STK38L: variants seen among roughly 807,000 people sequenced by gnomAD.
STK38L encodes serine/threonine kinase 38 like, also known as serine/threonine-protein kinase 38-like.
Under a neutral mutation model 59.7 loss-of-function variants are expected in STK38L, and 28 were observed. The ratio of observed to expected loss-of-function variants is 0.47; its 90% CI spans 0.35 to 0.64. STK38L has a LOEUF of 0.64. Among genes scored for constraint, STK38L ranks in the 30% least tolerant of loss-of-function variants. The pLI, the probability that STK38L is intolerant of heterozygous loss-of-function variation, is 0.01. For synonymous variants in STK38L, 162 were observed against 176.8 expected (o/e 0.92, Z 0.66); for missense variants, 314 against 555.8 (o/e 0.56, Z 4.37).
intron 1 of STK38L, among the ~76,000 whole-genome samples, chr12:27,274,793 A>G (rs1287991212): frequency 1.3e-5 from 2 of 152,216 alleles, no homozygotes; most frequent in African/African-American, 4.8e-5. Context: ...TTTATTGTAC[A>G]TTAATGATTA....
chr12:27,316,647 A>G (rs1176307245), intron 9 of STK38L, among the ~76,000 whole-genome samples: 6 of 152,200 alleles, frequency 3.9e-5, no homozygotes, highest in Non-Finnish European at 8.8e-5. Flanking sequence ...CCCCTGGTTG[A>G]GAATTACTGC....
chr12:27,261,546 C>T (rs973196162), intron 1 of STK38L, among the ~76,000 whole-genome samples: 7 of 152,140 alleles, frequency 4.6e-5, no homozygotes, highest in Admixed American at 4.6e-4. Context: ...CCATTATTTT[C>T]AGTTTTCTTT....
At chr12:27,252,667 C>T (rs1004154035) in intron 1 of STK38L, among the ~76,000 whole-genome samples, 1 of 152,146 alleles carries the variant, frequency 6.6e-6, no homozygotes, top group Non-Finnish European at 1.5e-5. Flanking sequence ...TGAGGATGTT[C>T]TCCATATGTC....
rs1473635237 is a variant in STK38L, at chr12:27,317,967, G to GT, written c.1028dup (p.Phe344IlefsTer9). 6.2e-7 allele frequency: 1 copy of GT among 1,613,974 alleles called. No homozygotes were observed. On this transcript the variant is annotated frameshift_variant, in exon 11 of 14. Transcript: ENST00000389032. LOFTEE classifies it high-confidence loss of function. ...AGTGATGAACTGGAAAGAAACTCTGGTATTTCCTCCAGAGGTACCTATATC... is the reference window on the plus strand; with the variant it reads ...AGTGATGAACTGGAAAGAAACTCTGGTTATTTCCTCCAGAGGTACCTATATC...
intron 1 of STK38L, among the ~76,000 whole-genome samples, chr12:27,248,113 C>T (rs935175886): frequency 6.6e-6 from 1 of 152,134 alleles, no homozygotes; most frequent in Non-Finnish European, 1.5e-5. Flanking sequence ...TGTGCCCAGC[C>T]CTGTTCTATA....
chr12:27,301,765 TAGTC>T (rs2136640853), intron 2 of STK38L, among the ~76,000 whole-genome samples: 1 of 152,318 alleles, frequency 6.6e-6, no homozygotes, highest in South Asian at 2.1e-4. Flanking sequence ...TTTATACTTT[TAGTC>T]AGTATAGTTA....
At chr12:27,258,940 T>C (rs1306782181) in intron 1 of STK38L, among the ~76,000 whole-genome samples, 2 of 136,682 alleles carry the variant, frequency 1.5e-5, no homozygotes, top group Admixed American at 7.5e-5. Flanking sequence ...TTTAATTGGT[T>C]ATGTATATGT....
intron 1 of STK38L, among the ~76,000 whole-genome samples, chr12:27,273,805 C>G (rs1359760128): frequency 1.3e-5 from 2 of 152,176 alleles, no homozygotes; most frequent in East Asian, 3.8e-4. Flanking sequence ...AGATAATCTA[C>G]CTTTCTGTGC....
intron 2 of STK38L, among the ~76,000 whole-genome samples, chr12:27,301,287 C>T (rs1183639052): frequency 6.6e-6 from 1 of 152,298 alleles, no homozygotes; most frequent in African/African-American, 2.4e-5. Flanking sequence ...GAGACAGAGT[C>T]TCACTCTGTC....
chr12:27,295,230 G>T (rs536461160), intron 1 of STK38L, among the ~76,000 whole-genome samples: 3 of 152,224 alleles, frequency 2.0e-5, no homozygotes, highest in Admixed American at 2.0e-4. Context: ...ATTAAACTAG[G>T]TGCCTAGAAT....
chr12:27,291,359 TCTTA>T (rs774140738), intron 1 of STK38L, among the ~76,000 whole-genome samples: 42 of 152,198 alleles, frequency 2.8e-4, no homozygotes, highest in Admixed American at 1.6e-3. Context: ...ACTGGTGAAC[TCTTA>T]CTATAGCCCC....
chr12:27,250,733 A>T (rs1474714934), intron 1 of STK38L, among the ~76,000 whole-genome samples: 2 of 151,800 alleles, frequency 1.3e-5, no homozygotes, highest in African/African-American at 2.4e-5. Context: ...GGGCGCGGTG[A>T]CTCACGCCTG....
intron 12 of STK38L, among the ~76,000 whole-genome samples, chr12:27,320,980 A>G (rs2136654027): frequency 6.6e-6 from 1 of 152,092 alleles, no homozygotes; most frequent in South Asian, 2.1e-4. Flanking sequence ...CCTCCCTTTT[A>G]CAGTGGGAAG....
intron 1 of STK38L, among the ~76,000 whole-genome samples, chr12:27,263,649 T>C (rs1004687809): frequency 2.0e-5 from 3 of 152,206 alleles, no homozygotes; most frequent in Non-Finnish European, 1.5e-5. Flanking sequence ...GCTATGTACA[T>C]GTTAAAGAGA....
Position 27,313,659 on chromosome 12 carries a change from A to G in STK38L, c.518-845A>G, listed in dbSNP as rs534323518. 2.6e-5 allele frequency among the ~76,000 whole-genome samples: 4 copies of G among 152,050 alleles called. No homozygotes were observed. The South Asian group carries it at 8.3e-4, about 32-fold the overall frequency. The stretch of plus-strand genomic sequence containing the variant: ...CAGCCTCCCAGAGTGTTGGGAATAC[A>G]GGCGTGAACCACTGCCCCTGGCTCC... On this transcript the variant is annotated intron_variant, in intron 6 of 13. Coordinates refer to ENST00000389032, the MANE Select transcript of STK38L (RefSeq NM_015000.4).
At chr12:27,267,107 A>C (rs1943316767) in intron 1 of STK38L, among the ~76,000 whole-genome samples, 1 of 152,158 alleles carries the variant, frequency 6.6e-6, no homozygotes, top group African/African-American at 2.4e-5. Flanking sequence ...TTACTTTCCT[A>C]GTCTGAAATC....
At chr12:27,259,371 G>A (rs1198492306) in intron 1 of STK38L, among the ~76,000 whole-genome samples, 3 of 152,154 alleles carry the variant, frequency 2.0e-5, no homozygotes, top group Non-Finnish European at 4.4e-5. Context: ...CAGATTTGCA[G>A]TGTGTCGGGG....
intron 2 of STK38L, 119 bp from the exon 3 acceptor site, chr12:27,302,018 G>T: frequency 1.8e-6 from 1 of 554,172 alleles, no homozygotes; most frequent in Non-Finnish European, 2.8e-6. Context: ...CAACTTGAAA[G>T]TTTTTTTTTT....
At chr12:27,251,579 A>C (rs1411959545) in intron 1 of STK38L, among the ~76,000 whole-genome samples, 1 of 152,226 alleles carries the variant, frequency 6.6e-6, no homozygotes, top group African/African-American at 2.4e-5. Context: ...GCTACAAGCA[A>C]ATCGTTCACT....
Sources: allele counts gnomAD v4.1 joint callset (sites outside exome capture counted in the v4.1 genomes callset), GRCh38; gene constraint gnomAD v4.1.1; transcripts MANE v1.5; gene names NCBI Gene and HGNC (gene_info 2026-07-23, HGNC 2026-07-21).